GUCY1A2: variants seen among roughly 807,000 people sequenced by gnomAD.
GUCY1A2 encodes guanylate cyclase 1 soluble subunit alpha 2.
In GUCY1A2, 27 loss-of-function variants were observed where a neutral mutation model predicts 63.5. The ratio of observed to expected loss-of-function variants is 0.43; its 90% CI spans 0.31 to 0.59. GUCY1A2 has a LOEUF of 0.59. GUCY1A2 is among the 20% of genes least tolerant of loss of function. GUCY1A2 has a pLI of 0.11. For synonymous variants in GUCY1A2, 364 were observed against 343.5 expected, an observed-to-expected ratio of 1.06 and a Z score of -0.66; for missense variants, 768 against 913.3, an observed-to-expected ratio of 0.84 and a Z score of 2.05.
chr11:106,848,049 G>A (rs1044282934), intron 4 of GUCY1A2, among the ~76,000 whole-genome samples: 8 of 151,504 alleles, frequency 5.3e-5, no homozygotes, highest in Admixed American at 4.6e-4. Flanking sequence ...TCAGATCTGT[G>A]GGCCCAATGA....
chr11:106,978,299 C>T (rs962153632), intron 3 of GUCY1A2, among the ~76,000 whole-genome samples: 1 of 152,140 alleles, frequency 6.6e-6, no homozygotes, highest in African/African-American at 2.4e-5. Context: ...AAAAAAGATC[C>T]TACAACTTTA....
chr11:107,012,234 C>T (rs1448477875), intron 1 of GUCY1A2, among the ~76,000 whole-genome samples: 1 of 148,656 alleles, frequency 6.7e-6, no homozygotes, highest in Non-Finnish European at 1.5e-5. Context: ...CTGGGCTATG[C>T]CGACAAAATA....
At chr11:106,796,974 C>A (rs1490136129) in intron 5 of GUCY1A2, among the ~76,000 whole-genome samples, 1 of 152,006 alleles carries the variant, frequency 6.6e-6, no homozygotes, top group Non-Finnish European at 1.5e-5. Context: ...TTGTTCATTT[C>A]TTTTTACTCT....
chr11:106,776,412 C>G, intron 6 of GUCY1A2, 27 bp downstream of exon 6: 1 of 1,551,178 alleles, frequency 6.4e-7, no homozygotes, highest in Non-Finnish European at 8.8e-7. Flanking sequence ...GCACTTACTA[C>G]TCAAACTAGA....
chr11:106,675,567 A>C lies in GUCY1A2; in HGVS notation c.*11982T>G, dbSNP rs1232659286. Reference sequence around the variant, plus strand: ...TGGGACTGTGGATTACAACTGTTCAAATTTCATCTTAATTTCTTCTATTTT... The same window carrying C: ...TGGGACTGTGGATTACAACTGTTCACATTTCATCTTAATTTCTTCTATTTT... On this transcript the variant is annotated 3_prime_UTR_variant, in exon 8 of 8. Coordinates refer to ENST00000526355, the MANE Select transcript of GUCY1A2 (RefSeq NM_000855.3). 1.5e-5 allele frequency: 3 copies of C among 194,236 alleles called. No homozygotes were observed. Among genetic ancestry groups the C allele is most frequent in the African/African-American group, 7.0e-5 (3 of 43,096 alleles). The allele number at this position is 194,236 out of a possible 1,614,324, so 12.0% of individuals were successfully genotyped here. A position where few individuals can be genotyped will look rare whatever the true frequency, so the allele number is the denominator to read the frequency against.
At position 107,018,059 on chromosome 11, in the gene GUCY1A2, G is replaced by A. The variant is rs1318621050; in HGVS notation, c.-4C>T. 6.9e-7 allele frequency: 1 copy of A among 1,451,022 alleles called. No individual in the cohort carries two copies. The highest frequency in any genetic ancestry group is 9.2e-7 in the Non-Finnish European group (1 of 1,089,074). The allele number at this position is 1,451,022 out of a possible 1,614,324, so 89.9% of individuals were successfully genotyped here. The stretch of plus-strand genomic sequence containing the variant: ...ACGAAATCTTCCTTCGAGACATGCT[G>A]CCGGCGGAGCTGCAGCGGCCGAGGC... On this transcript the variant is annotated 5_prime_UTR_variant, in exon 1 of 8. Transcript: ENST00000526355.
chr11:107,003,170 C>A, intron 1 of GUCY1A2, among the ~76,000 whole-genome samples: 1 of 152,238 alleles, frequency 6.6e-6, no homozygotes, highest in African/African-American at 2.4e-5. Flanking sequence ...TGTATGCCGA[C>A]AATATCCTTT....
At chr11:106,929,733 C>G (rs1486856881) in intron 4 of GUCY1A2, among the ~76,000 whole-genome samples, 2 of 152,102 alleles carry the variant, frequency 1.3e-5, no homozygotes, top group Non-Finnish European at 2.9e-5. Context: ...CAACTCCCTC[C>G]ATTTTTAATG....
At chr11:106,773,865 T>G (rs1160826632) in intron 6 of GUCY1A2, among the ~76,000 whole-genome samples, 1 of 152,216 alleles carries the variant, frequency 6.6e-6, no homozygotes, top group African/African-American at 2.4e-5. Context: ...GGTTTTAATT[T>G]TAATGTTCTA....
intron 6 of GUCY1A2, among the ~76,000 whole-genome samples, chr11:106,724,885 T>G (rs1307887807): frequency 6.6e-6 from 1 of 152,308 alleles, no homozygotes; most frequent in East Asian, 1.9e-4. Flanking sequence ...TTTACTAGAT[T>G]AGCTTTACCA....
At chr11:106,862,466 T>A (rs2135458228) in intron 4 of GUCY1A2, among the ~76,000 whole-genome samples, 1 of 137,298 alleles carries the variant, frequency 7.3e-6, no homozygotes, top group Admixed American at 7.8e-5. Context: ...AGCTTCTGGA[T>A]TTTATTTAAC....
chr11:106,762,321 A>G (rs1303326949), intron 6 of GUCY1A2, among the ~76,000 whole-genome samples: 3 of 152,110 alleles, frequency 2.0e-5, no homozygotes. Context: ...GAGAGATAAA[A>G]ACTATAATCA....
intron 4 of GUCY1A2, chr11:106,936,532 GAAAAT>G: frequency 1.8e-6 from 1 of 547,068 alleles, no homozygotes; most frequent in Non-Finnish European, 3.2e-6. Flanking sequence ...TGAGGAAAAA[GAAAAT>G]AGGGAGAGAG....
At chr11:106,873,468 G>T (rs117622559) in intron 4 of GUCY1A2, among the ~76,000 whole-genome samples, 1 of 152,176 alleles carries the variant, frequency 6.6e-6, no homozygotes, top group African/African-American at 2.4e-5. Context: ...CATTTTGACT[G>T]GTATGAGATG....
At chr11:106,902,021 T>C (rs1860141232) in intron 4 of GUCY1A2, among the ~76,000 whole-genome samples, 1 of 152,202 alleles carries the variant, frequency 6.6e-6, no homozygotes, top group Non-Finnish European at 1.5e-5. Context: ...TCACTATCTA[T>C]GGCAGCTGTA....
intron 6 of GUCY1A2, among the ~76,000 whole-genome samples, chr11:106,712,474 T>C (rs1863137115): frequency 6.6e-6 from 1 of 152,186 alleles, no homozygotes; most frequent in Non-Finnish European, 1.5e-5. Context: ...TCTGTACCTA[T>C]CCATTTGGAT....
intron 4 of GUCY1A2, among the ~76,000 whole-genome samples, chr11:106,885,380 T>C (rs766086441): frequency 3.3e-5 from 5 of 152,098 alleles, no homozygotes; most frequent in Non-Finnish European, 7.4e-5. Context: ...TCTGTCCTAT[T>C]AGGAGGAGAA....
At chr11:106,784,460 T>C (rs1402336052) in intron 5 of GUCY1A2, among the ~76,000 whole-genome samples, 1 of 151,362 alleles carries the variant, frequency 6.6e-6, no homozygotes, top group Non-Finnish European at 1.5e-5. Flanking sequence ...GAGGAGGGAG[T>C]GCCCCTGGTC....
At chr11:107,004,807 C>T (rs933555328) in intron 1 of GUCY1A2, among the ~76,000 whole-genome samples, 9 of 152,090 alleles carry the variant, frequency 5.9e-5, no homozygotes, top group African/African-American at 1.9e-4. Context: ...CTTGGGAGAA[C>T]CAAGCAAAGG....
Sources: allele counts gnomAD v4.1 joint callset (sites outside exome capture counted in the v4.1 genomes callset), GRCh38; gene constraint gnomAD v4.1.1; transcripts MANE v1.5; gene names NCBI Gene and HGNC (gene_info 2026-07-23, HGNC 2026-07-21).